Variants in NOTCH4 observed in about 807,000 individuals in gnomAD.
NOTCH4 encodes the protein notch receptor 4.
NOTCH4 carries 138 observed loss-of-function variants against 189.0 expected under a neutral mutation model. The observed-to-expected ratio is 0.73, with a 90% confidence interval of 0.64 to 0.84. The LOEUF is 0.84. Ranked by LOEUF, NOTCH4 falls within the 40% of genes least tolerant of loss-of-function variation. NOTCH4 has a pLI of 0.00. For missense variants in NOTCH4, 2,286 were observed against 2,605.4 expected, an observed-to-expected ratio of 0.88 and a Z score of 2.67; for synonymous variants, 942 against 1,032.8, an observed-to-expected ratio of 0.91 and a Z score of 1.69.
chr6:32,196,513 A>G (rs1017847962), intron 28 of NOTCH4, 92 bp from the exon 29 acceptor site: 6 of 1,488,704 alleles, frequency 4.0e-6, no homozygotes, highest in Admixed American at 2.1e-5. Context: ...GGGAAGGGCT[A>G]TTCGGGCCGG....
chr6:32,217,961 G>A lies in NOTCH4; in HGVS notation c.1624+34C>T, dbSNP rs1342394774. 1.4e-6 allele frequency: 2 copies of A among 1,400,084 alleles called. No homozygotes were observed. The highest frequency in any genetic ancestry group is 2.0e-6 in the Non-Finnish European group (2 of 987,696). The allele number at this position is 1,400,084 out of a possible 1,614,324, so 86.7% of individuals were successfully genotyped here. A position where few individuals can be genotyped will look rare whatever the true frequency, so the allele number is the denominator to read the frequency against. ...AACTCTGCAGGTTCAGAGGCCTGGG[G>A]TCTGAGGGTGGCCAGAGAGGCATCT... On this transcript the variant is annotated intron_variant, in intron 9 of 29. Transcript: ENST00000375023. The surrounding 1 kb of genome is among the most constrained non-coding windows in gnomAD (Gnocchi z 4.2).
At position 32,201,192 on chromosome 6, in the gene NOTCH4, C is replaced by T. The variant is rs567483221; in HGVS notation, c.4064G>A (p.Arg1355Gln). ...ARAEEKLGGT[R>Q]DPTYQERAAP... ...TGCTCTCTCCTGATAGGTGGGGTCC[C>T]GAGTTCCTCCTAGCTTTTCTTCAGC... The change falls in exon 22 of 30, where the codon CGG becomes CAG. Residue 1355 changes from arginine to glutamine, a missense_variant. Transcript: ENST00000375023. The surrounding 1 kb of genome is among the most constrained non-coding windows in gnomAD (Gnocchi z 5.5). 48 of 1,612,948 alleles carry T rather than the reference C, an allele frequency of 3.0e-5. No homozygotes were observed. The highest frequency in any genetic ancestry group is 2.0e-4 in the East Asian group (9 of 44,884).
rs1787768573 is a variant in NOTCH4 at position 32,195,125 on chromosome 6, T to C, written c.*312A>G. The C allele has an allele frequency of 2.5e-6, 1 of 405,876 alleles. No homozygotes were observed. The highest frequency in any genetic ancestry group is 4.4e-6 in the Non-Finnish European group (1 of 226,704). 25.1% of individuals were successfully genotyped at this position (405,876 alleles called of 1,614,324 possible). A position where few individuals can be genotyped will look rare whatever the true frequency, so the allele number is the denominator to read the frequency against. On this transcript the variant is annotated 3_prime_UTR_variant, in exon 30 of 30. Coordinates refer to ENST00000375023, the MANE Select transcript of NOTCH4 (RefSeq NM_004557.4). The surrounding 1 kb of genome is among the most constrained non-coding windows in gnomAD (Gnocchi z 5.4). ...GAAACCATATATAGGAAAGAACATC[T>C]TACATCCCATATGCCTGCAATTCTT... is the stretch of plus-strand genomic sequence containing the variant.
chr6:32,212,965 A>G lies in NOTCH4; in HGVS notation c.2439-54T>C, dbSNP rs781259578. On this transcript the variant is annotated intron_variant, in intron 15 of 29. Coordinates refer to ENST00000375023, the MANE Select transcript of NOTCH4 (RefSeq NM_004557.4). The surrounding 1 kb of genome is among the most constrained non-coding windows in gnomAD (Gnocchi z 4.4). ...GGAAGAAGTTCGGGCAACAAGGGGAAGGTAGTGTGTGATATTGTCGGGAGG... is the reference window on the plus strand; with the variant it reads ...GGAAGAAGTTCGGGCAACAAGGGGAGGGTAGTGTGTGATATTGTCGGGAGG... 31 of 1,488,050 alleles carry G rather than the reference A, an allele frequency of 2.1e-5. No individual in the cohort carries two copies. The highest frequency in any genetic ancestry group is 1.7e-4 in the Middle Eastern group (1 of 5,754). The allele number at this position is 1,488,050 out of a possible 1,614,324, so 92.2% of individuals were successfully genotyped here.
At chr6:32,218,724 C>A (rs1027382958) in intron 8 of NOTCH4, among the ~76,000 whole-genome samples, 1 of 152,142 alleles carries the variant, frequency 6.6e-6, no homozygotes, top group African/African-American at 2.4e-5. Flanking sequence ...GTTACCGAAC[C>A]GTTTTCTCTT....
chr6:32,196,312 G>A lies in NOTCH4; in HGVS notation c.5298+12C>T, dbSNP rs772958148. The A allele has an allele frequency of 1.4e-5, 22 of 1,613,018 alleles. No individual in the cohort carries two copies. Among genetic ancestry groups the A allele is most frequent in the Non-Finnish European group, 1.8e-5 (21 of 1,180,050 alleles). On this transcript the variant is annotated intron_variant, in intron 29 of 29. Transcript: ENST00000375023. Reference sequence around the variant, plus strand: ...CTGACTGTTTTGTGGGAAGCCCTCTGTCCCATCTAACCCTGTTGTCCTGGG... The same window carrying A: ...CTGACTGTTTTGTGGGAAGCCCTCTATCCCATCTAACCCTGTTGTCCTGGG...
At chr6:32,211,289 G>C (rs1421002905) in intron 17 of NOTCH4, among the ~76,000 whole-genome samples, 1 of 126,106 alleles carries the variant, frequency 7.9e-6, no homozygotes, top group Non-Finnish European at 1.8e-5. Flanking sequence ...CAAACAAACA[G>C]AAACGGTAAA....
chr6:32,213,312 A>AG, intron 14 of NOTCH4, 60 bp from the exon 15 acceptor site: 2 of 1,131,650 alleles, frequency 1.8e-6, no homozygotes, highest in Non-Finnish European at 2.7e-6. Context: ...CTGTGACCTC[A>AG]GTCACACTGT....
intron 13 of NOTCH4, 119 bp from the exon 14 acceptor site, chr6:32,213,959 C>G: frequency 7.0e-7 from 1 of 1,437,584 alleles, no homozygotes; most frequent in African/African-American, 1.4e-5. Context: ...CCATCAACCT[C>G]CGTTCTCACC....
chr6:32,195,869 G>C lies in NOTCH4; in HGVS notation c.5580C>G (p.Arg1860=). ...VPPHGGGALP[R]CRTLSAGAGP... ...CTGCTCCGGCTGACAGCGTCCGGCA[G>C]CGCGGCAGAGCCCCGCCCCCATGCG... The change falls in exon 30 of 30, where the codon CGC becomes CGG. Residue 1860 remains arginine, a synonymous_variant. Coordinates refer to ENST00000375023, the MANE Select transcript of NOTCH4 (RefSeq NM_004557.4). This position sits in a 1 kb window ranked among gnomAD's most constrained non-coding sequence, Gnocchi z 5.4. 1 of 1,594,168 alleles carries C rather than the reference G, an allele frequency of 6.3e-7. No individual in the cohort carries two copies. Among genetic ancestry groups the C allele is most frequent in the East Asian group, 2.2e-5 (1 of 44,706 alleles).
rs775896922 is a variant in NOTCH4 at position 32,196,335 on chromosome 6, G to A, written c.5287C>T (p.Gln1763Ter). Reference sequence around the variant, plus strand: ...CTGTCCCATCTAACCCTGTTGTCCTGGGCATCTTTATCGGCTCCGGCCTGG... The same window carrying A: ...CTGTCCCATCTAACCCTGTTGTCCTAGGCATCTTTATCGGCTCCGGCCTGG... The part of the protein sequence containing the change: ...LLQAGADKDA[Q>*]DNREQTPLFL... Residue 1763 changes from glutamine (Q) to a stop codon, truncating the protein, a stop_gained, in exon 29 of 30, where the codon CAG becomes TAG. Coordinates refer to ENST00000375023, the MANE Select transcript of NOTCH4 (RefSeq NM_004557.4). LOFTEE classifies it low-confidence loss of function (END_TRUNC). 1 of 1,613,140 alleles carries A rather than the reference G, an allele frequency of 6.2e-7. No individual in the cohort carries two copies. The highest frequency in any genetic ancestry group is 1.7e-5 in the Admixed American group (1 of 60,036).
rs1229895995 is a variant in NOTCH4, at chr6:32,215,384, G to T, written c.1863C>A (p.Gly621=). 6.2e-7 allele frequency: 1 copy of T among 1,605,254 alleles called. No homozygotes were observed. Among genetic ancestry groups the T allele is most frequent in the Admixed American group, 1.7e-5 (1 of 58,052 alleles). Residue 621 remains glycine (G), a splice_region_variant and synonymous_variant, in exon 12 of 30, where the codon GGC becomes GGA. Transcript: ENST00000375023. ...FFCLCPSGFT[G]QLCEVPLCAP... Reference sequence around the variant, plus strand: ...CACACAGGGGAACCTCACAGAGCTGGCCTGGGGTGGGAAGATGGGTCAAAA... The same window carrying T: ...CACACAGGGGAACCTCACAGAGCTGTCCTGGGGTGGGAAGATGGGTCAAAA...
chr6:32,199,774 A>G lies in NOTCH4; in HGVS notation c.4316-629T>C, dbSNP rs1370712532. On this transcript the variant is annotated intron_variant, in intron 23 of 29. Transcript: ENST00000375023. This position sits in a 1 kb window ranked among gnomAD's most constrained non-coding sequence, Gnocchi z 4.9. ...CATGCCATTGTAATTCCAGCTACTC[A>G]GTAGTCTGAAGCAAGAGAATTGCTT... is the stretch of plus-strand genomic sequence containing the variant. Among the ~76,000 whole-genome samples, 1 of 152,148 alleles carries G rather than the reference A, an allele frequency of 6.6e-6. No individual in the cohort carries two copies. Among genetic ancestry groups the G allele is most frequent in the Non-Finnish European group, 1.5e-5 (1 of 68,028 alleles).
intron 15 of NOTCH4, 103 bp from the exon 16 acceptor site, chr6:32,213,014 A>G (rs1789126228): frequency 7.8e-7 from 1 of 1,283,802 alleles, no homozygotes; most frequent in Non-Finnish European, 1.1e-6. Context: ...GTGGCAAGCC[A>G]GGAGGGAAGG....
chr6:32,203,799 G>T lies in NOTCH4; in HGVS notation c.3202C>A (p.Pro1068Thr). 1.3e-6 allele frequency: 2 copies of T among 1,558,814 alleles called. No individual in the cohort carries two copies. The highest frequency in any genetic ancestry group is 2.4e-5 in the East Asian group (1 of 42,228). Residue 1068 changes from proline (P) to threonine (T), a missense_variant, in exon 20 of 30, where the codon CCC becomes ACC. Transcript: ENST00000375023. ...GGTCEATAGS[P>T]LGFICHCPKG... is the part of the protein sequence containing the mutation. ...GGGCAGTGGCAGATGAAACCCAGGGGTGATCCTGCTGTGGCCTCACAGGTC... is the reference window on the plus strand; with the variant it reads ...GGGCAGTGGCAGATGAAACCCAGGGTTGATCCTGCTGTGGCCTCACAGGTC...
chr6:32,211,258 TCAAA>T (rs56957733), intron 17 of NOTCH4, among the ~76,000 whole-genome samples: 1,486 of 146,058 alleles, frequency 0.01, 26 homozygotes, highest in African/African-American at 0.031. Context: ...AGACTCCATC[TCAAA>T]CAAACAAACA....
At chr6:32,219,823 A>C in intron 7 of NOTCH4, 37 bp from the exon 8 acceptor site, 1 of 1,542,334 alleles carries the variant, frequency 6.5e-7, no homozygotes, top group Non-Finnish European at 8.9e-7. Context: ...CACAGGGGTC[A>C]GGGCAGGAAG....
Position 32,220,158 on chromosome 6 carries a change from C to G in NOTCH4, c.1286G>C (p.Cys429Ser), listed in dbSNP as rs2127486415. Residue 429 changes from cysteine (C) to serine (S), a missense_variant, in exon 7 of 30, where the codon TGC becomes TCC. Physicochemically the swap from Cys to Ser is moderately radical, Grantham distance 112. Transcript: ENST00000375023. ...CAGACACTCGTCCAGGTCCTGGTGGCAGGTGGGCCCCGAATAGCCAGGCTG... is the reference window on the plus strand; with the variant it reads ...CAGACACTCGTCCAGGTCCTGGTGGGAGGTGGGCCCCGAATAGCCAGGCTG... ...LCQPGYSGPT[C>S]HQDLDECLMA... is the part of the protein sequence containing the mutation. 1.2e-6 allele frequency: 2 copies of G among 1,613,828 alleles called. No homozygotes were observed. The highest frequency in any genetic ancestry group is 1.7e-6 in the Non-Finnish European group (2 of 1,179,976).
Position 32,196,310 on chromosome 6 carries a change from C to T in NOTCH4, c.5298+14G>A, listed in dbSNP as rs557632279. The T allele has an allele frequency of 1.2e-6, 2 of 1,613,158 alleles. No homozygotes were observed. The highest frequency in any genetic ancestry group is 1.3e-5 in the African/African-American group (1 of 75,084). ...GCCTGACTGTTTTGTGGGAAGCCCT[C>T]TGTCCCATCTAACCCTGTTGTCCTG... is the stretch of plus-strand genomic sequence containing the variant. On this transcript the variant is annotated intron_variant, in intron 29 of 29. Transcript: ENST00000375023.
Sources: allele counts gnomAD v4.1 joint callset (sites outside exome capture counted in the v4.1 genomes callset), GRCh38; gene constraint gnomAD v4.1.1; non-coding constraint Gnocchi (gnomAD v3.1); transcripts MANE v1.5; gene names NCBI Gene and HGNC (gene_info 2026-07-23, HGNC 2026-07-21).